The following CUL9 variants were observed in gnomAD, a reference collection of about 807,000 sequenced individuals.
CUL9 encodes the protein cullin 9.
Under a neutral mutation model 272.6 loss-of-function variants are expected in CUL9, and 79 were observed. The ratio of observed to expected loss-of-function variants is 0.29; its 90% CI spans 0.24 to 0.35. The LOEUF (loss-of-function observed/expected upper bound fraction) is 0.35. CUL9 is among the 10% of genes least tolerant of loss of function. The probability of loss-of-function intolerance (pLI) is 1.00; values close to 1 mark genes in which losing one functional copy is unlikely to be tolerated. For synonymous variants in CUL9, 1,186 were observed against 1,286.5 expected (o/e 0.92, Z 1.67); for missense variants, 2,532 against 3,255.6 (o/e 0.78, Z 5.41).
Position 43,200,506 on chromosome 6 carries a change from T to C in CUL9, c.3455T>C (p.Phe1152Ser). 6.2e-7 allele frequency: 1 copy of C among 1,614,178 alleles called. No homozygotes were observed. Among genetic ancestry groups the C allele is most frequent in the East Asian group, 2.2e-5 (1 of 44,890 alleles). ...QPINIPFFDV[F>S]LRHLCQGSSV... ...ATCAATATCCCCTTCTTTGATGTGT[T>C]CCTCAGGCATCTCTGCCAGGGTTAG... Residue 1152 changes from phenylalanine to serine, a missense_variant, in exon 15 of 41, where the codon TTC becomes TCC. This residue lies in a region of CUL9 where 2,218 missense variants were observed against 2,788.6 expected (regional missense o/e 0.80). Coordinates refer to ENST00000252050, the MANE Select transcript of CUL9 (RefSeq NM_015089.4). The surrounding 1 kb of genome is among the most constrained non-coding windows in gnomAD (Gnocchi z 4.0).
intron 24 of CUL9, 61 bp from the exon 25 acceptor site, chr6:43,205,946 G>A (rs375789535): frequency 6.8e-7 from 1 of 1,464,408 alleles, no homozygotes; most frequent in African/African-American, 1.4e-5. Flanking sequence ...CATTCTCGAG[G>A]GGGAGGCTGG....
Position 43,184,895 on chromosome 6 carries a change from C to G in CUL9, c.585C>G (p.Ala195=), listed in dbSNP as rs776312174. 6 of 1,590,410 alleles carry G rather than the reference C, an allele frequency of 3.8e-6. No individual in the cohort carries two copies. In the Admixed American group the frequency reaches 1.0e-4, roughly 27 times the overall value. The stretch of plus-strand genomic sequence containing the variant: ...GCAAAATGCTGCAGGCTCTGGCAGC[C>G]CACGATGCTGGTAAGAGACAGCCAG... ...SAGKMLQALA[A]HDAGSRAHVL... The change falls in exon 2 of 41, where the codon GCC becomes GCG. Residue 195 remains alanine, a synonymous_variant. Transcript: ENST00000252050. The surrounding 1 kb of genome is among the most constrained non-coding windows in gnomAD (Gnocchi z 4.8).
Position 43,206,288 on chromosome 6 carries a change from C to A in CUL9, c.5023-33C>A. The A allele has an allele frequency of 6.2e-7, 1 of 1,612,610 alleles. No homozygotes were observed. The highest frequency in any genetic ancestry group is 8.5e-7 in the Non-Finnish European group (1 of 1,179,044). ...GAGAAGACTAGACCAAGGAAGGGAG[C>A]CCAAGGGCCCTTGAAATCCTTCTGT... is the stretch of plus-strand genomic sequence containing the variant. On this transcript the variant is annotated intron_variant, in intron 25 of 40. Coordinates refer to ENST00000252050, the MANE Select transcript of CUL9 (RefSeq NM_015089.4). The surrounding 1 kb of genome is among the most constrained non-coding windows in gnomAD (Gnocchi z 4.8).
chr6:43,188,376 C>T lies in CUL9; in HGVS notation c.1988-147C>T, dbSNP rs189966303. On this transcript the variant is annotated intron_variant, in intron 7 of 40. Transcript: ENST00000252050. ...CATCTCCTTTGTTTGATCATTAGAT[C>T]CCTGACACAGAATTGGAAAACTCTG... The T allele has an allele frequency of 3.5e-6, 3 of 857,476 alleles. No homozygotes were observed. In the Admixed American group the frequency reaches 8.9e-5, roughly 25 times the overall value. 53.1% of individuals were successfully genotyped at this position (857,476 alleles called of 1,614,324 possible).
At chr6:43,201,359 G>A (rs1774519829) in intron 16 of CUL9, among the ~76,000 whole-genome samples, 2 of 152,184 alleles carry the variant, frequency 1.3e-5, no homozygotes, top group Admixed American at 6.5e-5. Flanking sequence ...TAGATAAAGA[G>A]GGGGCAATAT....
rs1776486684 is a variant in CUL9 at position 43,222,842 on chromosome 6, G to A, written c.7096G>A (p.Glu2366Lys). ...SQDAEYMDVV[E>K]QQTENLELHT... Reference sequence around the variant, plus strand: ...GGACGCAGAGTACATGGATGTGGTGGAGCAGCAGACAGAGAACCTGGAGCT... The same window carrying A: ...GGACGCAGAGTACATGGATGTGGTGAAGCAGCAGACAGAGAACCTGGAGCT... The change falls in exon 38 of 41, where the codon GAG becomes AAG. Residue 2366 changes from glutamate to lysine, a missense_variant. By Grantham distance (56) the Glu-to-Lys change is moderately conservative. This residue lies in a region of CUL9 where 237 missense variants were observed against 305.9 expected (regional missense o/e 0.77). Transcript: ENST00000252050. The A allele has an allele frequency of 6.2e-7, 1 of 1,614,020 alleles. No individual in the cohort carries two copies. The highest frequency in any genetic ancestry group is 8.5e-7 in the Non-Finnish European group (1 of 1,179,958).
chr6:43,200,923 A>C lies in CUL9; in HGVS notation c.3647+89A>C. On this transcript the variant is annotated intron_variant, in intron 16 of 40. Coordinates refer to ENST00000252050, the MANE Select transcript of CUL9 (RefSeq NM_015089.4). This position sits in a 1 kb window ranked among gnomAD's most constrained non-coding sequence, Gnocchi z 4.0. ...ACACACAACCCCAGCTATAACCCCA[A>C]TGCCTGAGGGACACACTCAAACCTA... The C allele has an allele frequency of 1.3e-5, 20 of 1,503,642 alleles. No individual in the cohort carries two copies. The highest frequency in any genetic ancestry group is 2.3e-5 in the East Asian group (1 of 44,062). 93.1% of individuals were successfully genotyped at this position (1,503,642 alleles called of 1,614,324 possible).
chr6:43,200,502 G>A lies in CUL9; in HGVS notation c.3451G>A (p.Val1151Met). Residue 1151 changes from valine to methionine, a missense_variant, in exon 15 of 41, where the codon GTG becomes ATG. By Grantham distance (21) the Val-to-Met change is conservative (BLOSUM62 1). Around this residue, in one of 3 missense-constraint regions of CUL9, gnomAD observed 2,218 missense variants for 2,788.6 expected, o/e 0.80. Transcript: ENST00000252050. This position sits in a 1 kb window ranked among gnomAD's most constrained non-coding sequence, Gnocchi z 4.0. The stretch of plus-strand genomic sequence containing the variant: ...ACCCATCAATATCCCCTTCTTTGAT[G>A]TGTTCCTCAGGCATCTCTGCCAGGG... ...HQPINIPFFD[V>M]FLRHLCQGSS... is the part of the protein sequence containing the mutation. The A allele has an allele frequency of 6.2e-7, 1 of 1,614,172 alleles. No individual in the cohort carries two copies. Among genetic ancestry groups the A allele is most frequent in the Non-Finnish European group, 8.5e-7 (1 of 1,180,036 alleles).
chr6:43,187,349 T>G lies in CUL9; in HGVS notation c.1491T>G (p.Ala497=). The change falls in exon 6 of 41, where the codon GCT becomes GCG. Residue 497 remains alanine (A), a synonymous_variant. Transcript: ENST00000252050. ...AGAGAGTGGGATATCTGACCCAGGC[T>G]GAATGGTGGGAGCTGCTTTTCTTTA... ...KNERVGYLTQ[A]EWWELLFFIK... is the part of the protein sequence containing the mutation. 1 of 1,614,092 alleles carries G rather than the reference T, an allele frequency of 6.2e-7. No homozygotes were observed. The highest frequency in any genetic ancestry group is 1.1e-5 in the South Asian group (1 of 91,078).
chr6:43,213,043 C>T lies in CUL9; in HGVS notation c.5213-106C>T. 7.9e-7 allele frequency: 1 copy of T among 1,269,034 alleles called. No homozygotes were observed. Among genetic ancestry groups the T allele is most frequent in the Admixed American group, 2.2e-5 (1 of 45,080 alleles). 78.6% of individuals were successfully genotyped at this position (1,269,034 alleles called of 1,614,324 possible). A position where few individuals can be genotyped will look rare whatever the true frequency, so the allele number is the denominator to read the frequency against. Reference sequence around the variant, plus strand: ...TCTCTCTGTCTGAAAATGCTGGGGCCCTCCTCCCCATAGGGACTAGTAGGA... The same window carrying T: ...TCTCTCTGTCTGAAAATGCTGGGGCTCTCCTCCCCATAGGGACTAGTAGGA... On this transcript the variant is annotated intron_variant, in intron 26 of 40. Coordinates refer to ENST00000252050, the MANE Select transcript of CUL9 (RefSeq NM_015089.4). The surrounding 1 kb of genome is among the most constrained non-coding windows in gnomAD (Gnocchi z 5.7).
At chr6:43,192,288 T>C (rs1199834905) in intron 8 of CUL9, among the ~76,000 whole-genome samples, 1 of 152,022 alleles carries the variant, frequency 6.6e-6, no homozygotes, top group Non-Finnish European at 1.5e-5. Flanking sequence ...GCTCAAGCAA[T>C]TTACCTGCCT....
intron 8 of CUL9, among the ~76,000 whole-genome samples, chr6:43,191,244 A>G (rs1773433794): frequency 7.2e-6 from 1 of 139,040 alleles, no homozygotes; most frequent in African/African-American, 3.0e-5. Context: ...AGGTGTCTCT[A>G]AATTGCATTG....
Position 43,200,307 on chromosome 6 carries a change from G to C in CUL9, c.3385-129G>C, listed in dbSNP as rs762470363. Reference sequence around the variant, plus strand: ...CCTAACCTTGACTCCACATGGTTCTGTCAAAATGTGGGGAGAGAGGAGTTG... The same window carrying C: ...CCTAACCTTGACTCCACATGGTTCTCTCAAAATGTGGGGAGAGAGGAGTTG... On this transcript the variant is annotated intron_variant, in intron 14 of 40. Transcript: ENST00000252050. This position sits in a 1 kb window ranked among gnomAD's most constrained non-coding sequence, Gnocchi z 4.0. 6.6e-7 allele frequency: 1 copy of C among 1,523,158 alleles called. No homozygotes were observed. The allele number at this position is 1,523,158 out of a possible 1,614,324, so 94.4% of individuals were successfully genotyped here.
intron 26 of CUL9, among the ~76,000 whole-genome samples, chr6:43,209,351 A>G (rs571239799): frequency 3.3e-4 from 50 of 151,376 alleles, no homozygotes; most frequent in African/African-American, 1.1e-3. Flanking sequence ...GGGTTTCACC[A>G]TGTTAGCCAG....
Position 43,216,504 on chromosome 6 carries a change from G to A in CUL9, c.6282+1G>A. ...CTGCTGCATGCACTATTGCTGTAAGGTGAGGCCCCACCAGCATTGCTCCTG... is the reference window on the plus strand; with the variant it reads ...CTGCTGCATGCACTATTGCTGTAAGATGAGGCCCCACCAGCATTGCTCCTG... On this transcript the variant is annotated splice_donor_variant, in intron 31 of 40. Transcript: ENST00000252050. LOFTEE classifies it high-confidence loss of function. 6.3e-7 allele frequency: 1 copy of A among 1,579,754 alleles called. No individual in the cohort carries two copies. The highest frequency in any genetic ancestry group is 8.7e-7 in the Non-Finnish European group (1 of 1,155,374).
At position 43,199,434 on chromosome 6, in the gene CUL9, G is replaced by A; in HGVS notation, c.3156+63G>A. The A allele has an allele frequency of 7.9e-7, 1 of 1,273,528 alleles. No homozygotes were observed. The highest frequency in any genetic ancestry group is 1.7e-5 in the Admixed American group (1 of 59,134). The allele number at this position is 1,273,528 out of a possible 1,614,324, so 78.9% of individuals were successfully genotyped here. Reference sequence around the variant, plus strand: ...AGCATCTGGGGCACCAACTCCTTGTGAGGCTCTGGAGGGCACAGCAGAGCC... The same window carrying A: ...AGCATCTGGGGCACCAACTCCTTGTAAGGCTCTGGAGGGCACAGCAGAGCC... On this transcript the variant is annotated intron_variant, in intron 13 of 40. Transcript: ENST00000252050. The surrounding 1 kb of genome is among the most constrained non-coding windows in gnomAD (Gnocchi z 4.4).
intron 31 of CUL9, among the ~76,000 whole-genome samples, chr6:43,217,655 ATTCTCTTT>A (rs1776036870): frequency 6.6e-6 from 1 of 152,178 alleles, no homozygotes; most frequent in Non-Finnish European, 1.5e-5. Flanking sequence ...ATGCGTGTGT[ATTCTCTTT>A]TTCTCTTTCC....
At position 43,222,869 on chromosome 6, in the gene CUL9, C is replaced by A; in HGVS notation, c.7123C>A (p.His2375Asn). The change falls in exon 38 of 41, where the codon CAC becomes AAC. Residue 2375 changes from histidine (H) to asparagine (N), a missense_variant. His to Asn is a moderately conservative substitution (Grantham distance 68). This residue lies in a region of CUL9 where 237 missense variants were observed against 305.9 expected (regional missense o/e 0.77). Transcript: ENST00000252050. ...VEQQTENLELHTNALQILLEE... is the reference protein window; with the variant it reads ...VEQQTENLELNTNALQILLEE... ...GCAGCAGACAGAGAACCTGGAGCTG[C>A]ACACCAATGCCCTGCAGATCCTCCT... is the stretch of plus-strand genomic sequence containing the variant. 1 of 1,613,834 alleles carries A rather than the reference C, an allele frequency of 6.2e-7. No individual in the cohort carries two copies. The highest frequency in any genetic ancestry group is 1.1e-5 in the South Asian group (1 of 91,076).
chr6:43,198,845 T>C lies in CUL9; in HGVS notation c.3040T>C (p.Ser1014Pro). ...APGPNKTLLLSVLRVITRLLD... is the reference protein window; with the variant it reads ...APGPNKTLLLPVLRVITRLLD... Reference sequence around the variant, plus strand: ...GGGGCCCAACAAGACTCTGCTGCTGTCTGTGCTGAGGTGAGGGGCCTGTTG... The same window carrying C: ...GGGGCCCAACAAGACTCTGCTGCTGCCTGTGCTGAGGTGAGGGGCCTGTTG... Residue 1014 changes from serine (S) to proline (P), a missense_variant, in exon 12 of 41, where the codon TCT becomes CCT. By Grantham distance (74) the Ser-to-Pro change is moderately conservative. Transcript: ENST00000252050. The C allele has an allele frequency of 1.2e-6, 2 of 1,613,482 alleles. No individual in the cohort carries two copies. Among genetic ancestry groups the C allele is most frequent in the South Asian group, 2.2e-5 (2 of 91,076 alleles).
Sources: allele counts gnomAD v4.1 joint callset (sites outside exome capture counted in the v4.1 genomes callset), GRCh38; gene constraint gnomAD v4.1.1; regional missense constraint gnomAD v4.1.1; non-coding constraint Gnocchi (gnomAD v3.1); transcripts MANE v1.5; gene names NCBI Gene and HGNC (gene_info 2026-07-23, HGNC 2026-07-21).